The following GCSH variants were observed in gnomAD, a reference collection of about 807,000 sequenced individuals.
GCSH encodes the protein glycine cleavage system H protein, mitochondrial.
Under a neutral mutation model 21.3 loss-of-function variants are expected in GCSH, and 15 were observed. The observed-to-expected ratio is 0.70, with a 90% CI of 0.47 to 1.08. GCSH has a LOEUF of 1.08. Among genes scored for constraint, GCSH ranks in the 50% least tolerant of loss-of-function variants. The pLI is 0.00. For synonymous variants in GCSH, 59 were observed against 84.5 expected, an observed-to-expected ratio of 0.70 and a Z score of 1.66; for missense variants, 179 against 217.5, an observed-to-expected ratio of 0.82 and a Z score of 1.11.
intron 3 of GCSH, among the ~76,000 whole-genome samples, chr16:81,085,367 C>T (rs542406357): frequency 5.9e-5 from 9 of 152,150 alleles, no homozygotes; most frequent in South Asian, 2.1e-4. Context: ...ATAATAACCA[C>T]GAGAAGGGTA....
chr16:81,084,430 T>A (rs1393007263), intron 4 of GCSH, 33 bp downstream of exon 4: 20 of 1,526,520 alleles, frequency 1.3e-5, no homozygotes, highest in Non-Finnish European at 1.8e-5. Flanking sequence ...ACTGTAGTAG[T>A]AATTCCTTGA....
At chr16:81,086,572 A>T (rs1230831359) in intron 3 of GCSH, among the ~76,000 whole-genome samples, 6 of 151,684 alleles carry the variant, frequency 4.0e-5, no homozygotes, top group Non-Finnish European at 8.8e-5. Context: ...AATAAGAAGA[A>T]AAAAAAAAGA....
At chr16:81,087,063 CT>C (rs1014272210) in intron 3 of GCSH, among the ~76,000 whole-genome samples, 2 of 152,130 alleles carry the variant, frequency 1.3e-5, no homozygotes, top group Non-Finnish European at 2.9e-5. Context: ...TATTAATAGA[CT>C]TTTTTTCTCT....
chr16:81,092,750 ACAAAC>A (rs1432875014), intron 1 of GCSH, among the ~76,000 whole-genome samples: 27 of 151,702 alleles, frequency 1.8e-4, no homozygotes, highest in African/African-American at 2.4e-4. Flanking sequence ...CTCAAAAAAA[ACAAAC>A]AAAAAAAATC....
Position 81,096,178 on chromosome 16 carries a change from C to G in GCSH, c.101G>C (p.Gly34Ala). ...APCPPRPWQL[G>A]VGAVRTLRTG... ...GCGCAGCGTACGGACGGCGCCCACC[C>G]CCAGCTGCCAGGGCCTCGGCGGGCA... Residue 34 changes from glycine to alanine, a missense_variant, in exon 1 of 5, where the codon GGG (glycine) becomes GCG (alanine). By Grantham distance (60) the Gly-to-Ala change is moderately conservative. Coordinates refer to ENST00000315467, the MANE Select transcript of GCSH (RefSeq NM_004483.5). 7.6e-7 allele frequency: 1 copy of G among 1,319,222 alleles called. No individual in the cohort carries two copies. The highest frequency in any genetic ancestry group is 1.5e-5 in the African/African-American group (1 of 65,120). The allele number at this position is 1,319,222 out of a possible 1,614,324, so 81.7% of individuals were successfully genotyped here. A position where few individuals can be genotyped will look rare whatever the true frequency, so the allele number is the denominator to read the frequency against.
At chr16:81,094,440 G>A (rs1399805059) in intron 1 of GCSH, among the ~76,000 whole-genome samples, 1 of 151,452 alleles carries the variant, frequency 6.6e-6, no homozygotes, top group Non-Finnish European at 1.5e-5. Flanking sequence ...GGGAAGCGAA[G>A]GTTGCAGTGA....
At chr16:81,090,371 C>T (rs932846025) in intron 2 of GCSH, among the ~76,000 whole-genome samples, 1 of 151,990 alleles carries the variant, frequency 6.6e-6, no homozygotes, top group Non-Finnish European at 1.5e-5. Context: ...CATGAGCAAC[C>T]ATGCCAGGCT....
At chr16:81,087,807 C>G (rs1388456736) in intron 2 of GCSH, 143 bp from the exon 3 acceptor site, 3 of 690,596 alleles carry the variant, frequency 4.3e-6, no homozygotes, top group African/African-American at 3.6e-5. Context: ...CTTGAGTTTT[C>G]CTTAAAATCC....
chr16:81,083,004 TAA>T (rs1425746243), intron 4 of GCSH, 41 bp from the exon 5 acceptor site: 3 of 1,237,828 alleles, frequency 2.4e-6, no homozygotes, highest in Non-Finnish European at 3.6e-6. Context: ...ATTAACTTTT[TAA>T]AAAGTCAAAT....
rs1192679829 is a variant in GCSH at position 81,082,299 on chromosome 16, A to T, written c.*567T>A. ...AAATACTAGCAGAGTTACTAAATGAAATATTAACATCAAAACAAACATGAT... is the reference window on the plus strand; with the variant it reads ...AAATACTAGCAGAGTTACTAAATGATATATTAACATCAAAACAAACATGAT... On this transcript the variant is annotated 3_prime_UTR_variant, in exon 5 of 5. Transcript: ENST00000315467. The T allele has an allele frequency of 2.2e-6, 1 of 444,526 alleles. No individual in the cohort carries two copies. The highest frequency in any genetic ancestry group is 4.5e-6 in the Non-Finnish European group (1 of 221,860). The allele number at this position is 444,526 out of a possible 1,614,324, so 27.5% of individuals were successfully genotyped here. A position where few individuals can be genotyped will look rare whatever the true frequency, so the allele number is the denominator to read the frequency against.
At position 81,082,951 on chromosome 16, in the gene GCSH, T is replaced by G; in HGVS notation, c.437A>C (p.Lys146Thr). The change falls in exon 5 of 5, where the codon AAG (lysine) becomes ACG (threonine). Residue 146 changes from lysine to threonine, a missense_variant. Physicochemically the swap from Lys to Thr is moderately conservative, Grantham distance 78. Transcript: ENST00000315467. The part of the protein sequence containing the change: ...KSCYEDGWLI[K>T]MTLSNPSELD... Reference sequence around the variant, plus strand: ...TTCTGAAGGGTTACTCAGTGTCATCTTGATCAGCCAACCTGCAACCAAAAG... The same window carrying G: ...TTCTGAAGGGTTACTCAGTGTCATCGTGATCAGCCAACCTGCAACCAAAAG... The G allele has an allele frequency of 6.3e-7, 1 of 1,578,152 alleles. No homozygotes were observed. Among genetic ancestry groups the G allele is most frequent in the East Asian group, 2.2e-5 (1 of 44,636 alleles).
Position 81,082,498 on chromosome 16 carries a change from A to AT in GCSH, c.*367dup. 1 of 374,100 alleles carries AT rather than the reference A, an allele frequency of 2.7e-6. No individual in the cohort carries two copies. Among genetic ancestry groups the AT allele is most frequent in the South Asian group, 2.0e-5 (1 of 50,860 alleles). The allele number at this position is 374,100 out of a possible 1,614,324, so 23.2% of individuals were successfully genotyped here. ...ATTTCCAATGGAAAGATCATTAAGT[A>AT]TTTCATCCCAAATCCAGGTATGGAT... On this transcript the variant is annotated 3_prime_UTR_variant, in exon 5 of 5. Transcript: ENST00000315467.
Position 81,087,588 on chromosome 16 carries a change from TA to T in GCSH, c.292+12del. The T allele has an allele frequency of 6.4e-7, 1 of 1,563,924 alleles. No homozygotes were observed. The highest frequency in any genetic ancestry group is 8.8e-7 in the Non-Finnish European group (1 of 1,135,482). On this transcript the variant is annotated intron_variant, in intron 3 of 4. Transcript: ENST00000315467. ...CATGGCATGGATCATTCTAAGATCC[TA>T]AGAACACTCACCTTGTTTGTTCAAT...
At chr16:81,092,531 C>T (rs1016687543) in intron 1 of GCSH, among the ~76,000 whole-genome samples, 11 of 145,386 alleles carry the variant, frequency 7.6e-5, no homozygotes, top group East Asian at 4.2e-4. Flanking sequence ...ACCTGAGGTC[C>T]GGGGTTTGAG....
intron 1 of GCSH, among the ~76,000 whole-genome samples, chr16:81,095,246 G>C (rs1406772908): frequency 6.6e-6 from 1 of 152,094 alleles, no homozygotes; most frequent in Non-Finnish European, 1.5e-5. Context: ...ACACATGAAT[G>C]ATCCAATACA....
intron 2 of GCSH, among the ~76,000 whole-genome samples, chr16:81,088,463 A>T (rs1972328512): frequency 6.6e-6 from 1 of 151,928 alleles, no homozygotes; most frequent in African/African-American, 2.4e-5. Context: ...CAGTGGCCTG[A>T]TCTCAGCTCA....
At chr16:81,094,006 A>G (rs1479869715) in intron 1 of GCSH, among the ~76,000 whole-genome samples, 1 of 151,858 alleles carries the variant, frequency 6.6e-6, no homozygotes, top group East Asian at 2.0e-4. Flanking sequence ...GGTTCAAGTG[A>G]TTCGGCCTCA....
At chr16:81,093,697 C>G (rs562613267) in intron 1 of GCSH, among the ~76,000 whole-genome samples, 1 of 151,896 alleles carries the variant, frequency 6.6e-6, no homozygotes, top group African/African-American at 2.4e-5. Context: ...AAAAATTGGC[C>G]GGGTATGGTG....
intron 3 of GCSH, 101 bp from the exon 4 acceptor site, chr16:81,084,695 T>G: frequency 7.1e-6 from 6 of 843,580 alleles, no homozygotes; most frequent in Non-Finnish European, 1.1e-5. Context: ...AGCTATGATT[T>G]TAAAATTCCA....
Sources: gnomAD v4.1 joint callset for allele counts (sites outside exome capture counted in the v4.1 genomes callset) on GRCh38, gnomAD v4.1.1 for gene constraint, MANE v1.5 for transcripts, NCBI Gene and HGNC (gene_info 2026-07-23, HGNC 2026-07-21) for gene names.